ANO10: variants seen among roughly 807,000 people sequenced by gnomAD.
ANO10 encodes the protein anoctamin 10.
ANO10 carries 77 observed loss-of-function variants against 74.7 expected under a neutral mutation model. That is an observed-to-expected ratio of 1.03 (90% CI 0.86 to 1.25). The LOEUF is 1.25. Among genes scored for constraint, ANO10 ranks in the 50% most tolerant of loss-of-function variants. The pLI, the probability that ANO10 is intolerant of heterozygous loss-of-function variation, is 0.00. For synonymous variants in ANO10, 279 were observed against 284.9 expected (o/e 0.98, Z 0.21); for missense variants, 721 against 778.1 (o/e 0.93, Z 0.87).
At chr3:43,565,084 C>T (rs1372077567) in intron 8 of ANO10, among the ~76,000 whole-genome samples, 1 of 152,096 alleles carries the variant, frequency 6.6e-6, no homozygotes, top group Non-Finnish European at 1.5e-5. Flanking sequence ...AATATTAAAA[C>T]TGGGAAAAAA....
chr3:43,611,303 C>T (rs1190421601), intron 1 of ANO10, among the ~76,000 whole-genome samples: 1 of 152,132 alleles, frequency 6.6e-6, no homozygotes, highest in Non-Finnish European at 1.5e-5. Context: ...AGTTGAGCCA[C>T]CTACCAATCC....
At chr3:43,651,873 G>T (rs1394196859) in intron 1 of ANO10, among the ~76,000 whole-genome samples, 2 of 152,114 alleles carry the variant, frequency 1.3e-5, no homozygotes, top group Non-Finnish European at 2.9e-5. Flanking sequence ...CTACAATACA[G>T]TCTAGGGTTG....
chr3:43,442,980 A>G (rs1396628332), intron 11 of ANO10, among the ~76,000 whole-genome samples: 1 of 152,238 alleles, frequency 6.6e-6, no homozygotes, highest in Non-Finnish European at 1.5e-5. Context: ...CCTCAATAAC[A>G]TAATGACTAG....
intron 11 of ANO10, among the ~76,000 whole-genome samples, chr3:43,444,923 A>C (rs903258608): frequency 6.6e-6 from 1 of 152,096 alleles, no homozygotes; most frequent in African/African-American, 2.4e-5. Flanking sequence ...GGAGATCGAG[A>C]CCATCCTGGC....
rs1465742659 is a variant in ANO10 at position 43,596,772 on chromosome 3, T to C, written c.472+1760A>G. On this transcript the variant is annotated intron_variant, in intron 4 of 12. Transcript: ENST00000292246. ...GCCAAAATTGACAAATGGGATCTAATTAAACCAAAGAGCTTCTGCACAGCA... is the reference window on the plus strand; with the variant it reads ...GCCAAAATTGACAAATGGGATCTAACTAAACCAAAGAGCTTCTGCACAGCA... Among the ~76,000 whole-genome samples the C allele has an allele frequency of 3.9e-5, 6 of 152,144 alleles. No homozygotes were observed. In the South Asian group the frequency reaches 1.0e-3, roughly 26 times the overall value.
At chr3:43,538,142 T>A (rs576315427) in intron 11 of ANO10, among the ~76,000 whole-genome samples, 54 of 152,268 alleles carry the variant, frequency 3.5e-4, no homozygotes, top group Non-Finnish European at 4.7e-4. Context: ...TGATATAAAA[T>A]TTCAGTATAA....
intron 11 of ANO10, among the ~76,000 whole-genome samples, chr3:43,480,872 G>A (rs951002938): frequency 2.6e-4 from 40 of 152,088 alleles, no homozygotes; most frequent in Non-Finnish European, 4.6e-4. Flanking sequence ...AAACAAGGCC[G>A]TTTTCAACTC....
intron 12 of ANO10, among the ~76,000 whole-genome samples, chr3:43,406,660 ACCC>A (rs2092581881): frequency 6.6e-6 from 1 of 152,174 alleles, no homozygotes; most frequent in Non-Finnish European, 1.5e-5. Flanking sequence ...GCTGCTTTCT[ACCC>A]TAGTTACCCA....
At chr3:43,618,084 T>C (rs1460364862) in intron 1 of ANO10, 1 of 152,256 alleles carries the variant, frequency 6.6e-6, no homozygotes, top group East Asian at 1.9e-4. Flanking sequence ...CTAGGGCAGC[T>C]GCCTTGGGGA....
At chr3:43,432,941 A>ATTTTTTTTT (rs1559539096) in intron 11 of ANO10, among the ~76,000 whole-genome samples, 1 of 46,536 alleles carries the variant, frequency 2.1e-5, no homozygotes, top group Admixed American at 3.0e-4. Context: ...ACTTTGCTTA[A>ATTTTTTTTT]TTCTTTTTTT....
At chr3:43,622,861 T>G (rs535788593), upstream of ANO10, among the ~76,000 whole-genome samples, 4 of 152,256 alleles carry the variant, frequency 2.6e-5, no homozygotes, top group South Asian at 2.1e-4. Context: ...CCACACTTTT[T>G]GACTTTTTGT....
chr3:43,533,552 A>C (rs1298493590), intron 11 of ANO10, among the ~76,000 whole-genome samples: 1 of 152,238 alleles, frequency 6.6e-6, no homozygotes, highest in Non-Finnish European at 1.5e-5. Flanking sequence ...TAAAAACTTT[A>C]ATAAATGCAC....
At chr3:43,542,161 T>A (rs1213592724) in intron 11 of ANO10, among the ~76,000 whole-genome samples, 1 of 152,180 alleles carries the variant, frequency 6.6e-6, no homozygotes, top group African/African-American at 2.4e-5. Flanking sequence ...GTATGGTGTG[T>A]GAGTTATGCT....
rs772345347 is a variant in ANO10 at position 43,600,431 on chromosome 3, AT to A, written c.289del (p.Met97Ter). On this transcript the variant is annotated frameshift_variant, in exon 3 of 13. Coordinates refer to ENST00000292246, the MANE Select transcript of ANO10 (RefSeq NM_018075.5). LOFTEE classifies it high-confidence loss of function. The part of the protein sequence containing the change: ...GLVKECNDNT[M>X]RAFTYRTRQN... ...TCTGGTTCTGTATGTGAAGGCTCTC[AT>A]GGTGTTATCATTGCACTCTTTTACC... The A allele has an allele frequency of 9.3e-6, 15 of 1,614,018 alleles. No homozygotes were observed. The highest frequency in any genetic ancestry group is 1.6e-4 in the Middle Eastern group (1 of 6,084).
chr3:43,642,687 T>A (rs1434797862), intron 1 of ANO10, among the ~76,000 whole-genome samples: 2 of 152,004 alleles, frequency 1.3e-5, no homozygotes, highest in East Asian at 3.9e-4. Context: ...CCCCACCTCC[T>A]ATAGGTAATT....
chr3:43,414,350 A>G (rs2092707160), intron 12 of ANO10, among the ~76,000 whole-genome samples: 1 of 152,192 alleles, frequency 6.6e-6, no homozygotes, highest in Admixed American at 6.5e-5. Context: ...TTGCAGCTCA[A>G]TTCTATATGT....
chr3:43,543,123 T>C (rs2079027556), intron 11 of ANO10, among the ~76,000 whole-genome samples: 1 of 152,178 alleles, frequency 6.6e-6, no homozygotes, highest in Non-Finnish European at 1.5e-5. Flanking sequence ...AATCTCTCTC[T>C]CTTCTCTCCC....
chr3:43,366,541 C>A lies in ANO10; in HGVS notation c.*365G>T. 2.6e-6 allele frequency: 1 copy of A among 388,940 alleles called. No homozygotes were observed. The highest frequency in any genetic ancestry group is 2.2e-5 in the South Asian group (1 of 46,060). 24.1% of individuals were successfully genotyped at this position (388,940 alleles called of 1,614,324 possible). On this transcript the variant is annotated 3_prime_UTR_variant, in exon 13 of 13. Coordinates refer to ENST00000292246, the MANE Select transcript of ANO10 (RefSeq NM_018075.5). ...CCAACCTGTCCACGGGTCCCTGGGC[C>A]ATGGTGGGGTTGGGAGTGACACTGC...
intron 7 of ANO10, among the ~76,000 whole-genome samples, chr3:43,571,832 TAA>T (rs372868462): frequency 3.4e-3 from 168 of 49,024 alleles, no homozygotes; most frequent in African/African-American, 9.7e-3. Context: ...ACTTAAAGTA[TAA>T]AAAAAAAAAA....
Sources: allele counts gnomAD v4.1 joint callset (sites outside exome capture counted in the v4.1 genomes callset), GRCh38; gene constraint gnomAD v4.1.1; transcripts MANE v1.5; gene names NCBI Gene and HGNC (gene_info 2026-07-23, HGNC 2026-07-21).